The following INPPL1 variants were observed in gnomAD, a reference collection of about 807,000 sequenced individuals.
The protein encoded by INPPL1 is inositol polyphosphate phosphatase like 1.
A neutral mutation model predicts 139.3 loss-of-function variants in INPPL1; 91 were observed. The ratio of observed to expected loss-of-function variants is 0.65; its 90% CI spans 0.55 to 0.78. The LOEUF (loss-of-function observed/expected upper bound fraction) is 0.78, where lower values mean the gene tolerates loss of function less well. INPPL1 is among the 30% of genes least tolerant of loss of function. The pLI is 0.00. For synonymous variants in INPPL1, 719 were observed against 686.6 expected, an observed-to-expected ratio of 1.05 and a Z score of -0.74; for missense variants, 1,411 against 1,665.6, an observed-to-expected ratio of 0.85 and a Z score of 2.66.
chr11:72,237,360 C>A lies in INPPL1; in HGVS notation c.3116C>A (p.Ser1039Tyr). The stretch of plus-strand genomic sequence containing the variant: ...CACCCTCGTGTGGGAGAGGGGAGTT[C>A]TTCAGATGAGGAGTCTGGAGGCACA... ...HRHPRVGEGS[S>Y]SDEESGGTLP... Residue 1039 changes from serine to tyrosine, a missense_variant, in exon 26 of 28, where the codon TCT becomes TAT. This residue lies in a region of INPPL1 where 438 missense variants were observed against 425.7 expected (regional missense o/e 1.03). Transcript: ENST00000298229. 6.2e-7 allele frequency: 1 copy of A among 1,613,952 alleles called. No individual in the cohort carries two copies. The highest frequency in any genetic ancestry group is 1.3e-5 in the African/African-American group (1 of 75,028).
chr11:72,237,555 C>T lies in INPPL1; in HGVS notation c.3311C>T (p.Ser1104Leu). 1 of 1,598,588 alleles carries T rather than the reference C, an allele frequency of 6.3e-7. No individual in the cohort carries two copies. The highest frequency in any genetic ancestry group is 8.5e-7 in the Non-Finnish European group (1 of 1,170,086). ...AGGCCTCCACTGCCCCCAGGCCCCT[C>T]ACCAGCCAGCACTTTCCTGGGGGAA... is the stretch of plus-strand genomic sequence containing the variant. ...HPRPPLPPGP[S>L]PASTFLGEVA... The change falls in exon 26 of 28, where the codon TCA (serine) becomes TTA (leucine). Residue 1104 changes from serine to leucine, a missense_variant. This residue lies in a region of INPPL1 where 438 missense variants were observed against 425.7 expected (regional missense o/e 1.03). Coordinates refer to ENST00000298229, the MANE Select transcript of INPPL1 (RefSeq NM_001567.4).
rs1291321098 is a variant in INPPL1, at chr11:72,235,993, G to A, written c.2879+7G>A. The A allele has an allele frequency of 3.2e-6, 5 of 1,544,868 alleles. No homozygotes were observed. Among genetic ancestry groups the A allele is most frequent in the Non-Finnish European group, 4.4e-6 (5 of 1,137,558 alleles). On this transcript the variant is annotated splice_region_variant and intron_variant, in intron 25 of 27. Coordinates refer to ENST00000298229, the MANE Select transcript of INPPL1 (RefSeq NM_001567.4). The surrounding 1 kb of genome is among the most constrained non-coding windows in gnomAD (Gnocchi z 4.9). ...AGGAGCCCTTGACCCCCAGGTGAGA[G>A]GAGGAACCTGTCACCGCCCCCCCTT...
chr11:72,237,842 C>G (rs370202557), intron 26 of INPPL1, 46 bp downstream of exon 26: 1 of 1,542,254 alleles, frequency 6.5e-7, no homozygotes, highest in African/African-American at 1.4e-5. Flanking sequence ...AGTGTGCTTG[C>G]CCACAGACTG....
At chr11:72,227,923 C>T (rs1948719538) in intron 1 of INPPL1, 2 of 514,218 alleles carry the variant, frequency 3.9e-6, no homozygotes, top group Admixed American at 3.2e-5. Flanking sequence ...CCTGTTGCTT[C>T]TCAGGCCCTG....
At position 72,231,698 on chromosome 11, in the gene INPPL1, C is replaced by T; in HGVS notation, c.1615+83C>T. On this transcript the variant is annotated intron_variant, in intron 13 of 27. Coordinates refer to ENST00000298229, the MANE Select transcript of INPPL1 (RefSeq NM_001567.4). ...CTTCCTCTCAAGCCTAGGATTGCCCCATTTTTGGTGATCTTAGTTTCCCCA... is the reference window on the plus strand; with the variant it reads ...CTTCCTCTCAAGCCTAGGATTGCCCTATTTTTGGTGATCTTAGTTTCCCCA... 12 of 986,412 alleles carry T rather than the reference C, an allele frequency of 1.2e-5. No individual in the cohort carries two copies. The South Asian group carries it at 1.6e-4, about 13-fold the overall frequency. The allele number at this position is 986,412 out of a possible 1,614,324, so 61.1% of individuals were successfully genotyped here. A position where few individuals can be genotyped will look rare whatever the true frequency, so the allele number is the denominator to read the frequency against.
rs368521908 is a variant in INPPL1 at position 72,231,202 on chromosome 11, C to G, written c.1497+13C>G. 13 of 1,603,692 alleles carry G rather than the reference C, an allele frequency of 8.1e-6. No homozygotes were observed. The African/African-American group carries it at 1.2e-4, about 15-fold the overall frequency. Reference sequence around the variant, plus strand: ...GGATTACCGCCCGGTGAGGGGGGGTCATCTTGTCCAGGACCCTGTCCTCAC... The same window carrying G: ...GGATTACCGCCCGGTGAGGGGGGGTGATCTTGTCCAGGACCCTGTCCTCAC... On this transcript the variant is annotated intron_variant, in intron 12 of 27. Transcript: ENST00000298229.
At chr11:72,230,502 T>G in intron 10 of INPPL1, 34 bp downstream of exon 10, 1 of 1,584,434 alleles carries the variant, frequency 6.3e-7, no homozygotes, top group East Asian at 2.2e-5. Flanking sequence ...CACTGGGGAC[T>G]GCGGGGGTCC....
chr11:72,229,283 C>T, intron 5 of INPPL1, 53 bp downstream of exon 5: 1 of 1,544,512 alleles, frequency 6.5e-7, no homozygotes, highest in Non-Finnish European at 8.8e-7. Context: ...GACCTGTCCT[C>T]ACCTGCTTCC....
Position 72,232,610 on chromosome 11 carries a change from G to C in INPPL1, c.1713-16G>C. 1 of 1,611,456 alleles carries C rather than the reference G, an allele frequency of 6.2e-7. No homozygotes were observed. The highest frequency in any genetic ancestry group is 1.1e-5 in the South Asian group (1 of 91,014). On this transcript the variant is annotated splice_polypyrimidine_tract_variant and intron_variant, in intron 14 of 27. Coordinates refer to ENST00000298229, the MANE Select transcript of INPPL1 (RefSeq NM_001567.4). ...CTGGGGATCTACCCCTCCCCACCAC[G>C]CACCCCTCACCCTAGGAGGAACCAA... is the stretch of plus-strand genomic sequence containing the variant.
rs45506896 is a variant in INPPL1 at position 72,229,589 on chromosome 11, G to A, written c.753+31G>A. The A allele has an allele frequency of 0.026, 41,861 of 1,612,526 alleles. 720 individuals are homozygous for A. Among genetic ancestry groups the A allele is most frequent in the Non-Finnish European group, 0.026 (31,133 of 1,178,596 alleles). Reference sequence around the variant, plus strand: ...TTGTAGGGAGACCTCTGGGAGGTGCGTTCGTGTTCTGGAGCTGGGTGGGAG... The same window carrying A: ...TTGTAGGGAGACCTCTGGGAGGTGCATTCGTGTTCTGGAGCTGGGTGGGAG... On this transcript the variant is annotated intron_variant, in intron 6 of 27. Coordinates refer to ENST00000298229, the MANE Select transcript of INPPL1 (RefSeq NM_001567.4).
intron 5 of INPPL1, 41 bp downstream of exon 5, chr11:72,229,271 C>A: frequency 6.4e-7 from 1 of 1,566,098 alleles, no homozygotes; most frequent in South Asian, 1.2e-5. Flanking sequence ...ACCCTTACCT[C>A]TGACCTGTCC....
chr11:72,235,922 C>T lies in INPPL1; in HGVS notation c.2815C>T (p.Pro939Ser), dbSNP rs1279287200. 1.9e-6 allele frequency: 3 copies of T among 1,612,994 alleles called. No homozygotes were observed. The highest frequency in any genetic ancestry group is 1.7e-5 in the Admixed American group (1 of 60,006). ...GTTATTTGAAGAACCAGAGAAACCG[C>T]CACCAACGGGGAGGCCCCCAGCCCC... ...SRLFEEPEKP[P>S]PTGRPPAPPR... The change falls in exon 25 of 28, where the codon CCA (proline) becomes TCA (serine). Residue 939 changes from proline to serine, a missense_variant. Transcript: ENST00000298229. This position sits in a 1 kb window ranked among gnomAD's most constrained non-coding sequence, Gnocchi z 4.9.
rs1948836955 is a variant in INPPL1 at position 72,231,613 on chromosome 11, TG to T, written c.1615+1del. ...GTGAAGACTGGCATCGCCAACACCC[TG>T]GGTAAGTGGGGCTGGCAGGTGCCCA... ...SSVKTGIANT[L>X]GNKGAVGVSF... On this transcript the variant is annotated frameshift_variant and splice_region_variant, in exon 13 of 28. Transcript: ENST00000298229. LOFTEE classifies it high-confidence loss of function. 1.9e-6 allele frequency: 3 copies of T among 1,606,998 alleles called. No homozygotes were observed. Among genetic ancestry groups the T allele is most frequent in the Non-Finnish European group, 2.6e-6 (3 of 1,174,464 alleles).
rs1387900920 is a variant in INPPL1, at chr11:72,230,129, A to G, written c.948A>G (p.Leu316=). 6.2e-7 allele frequency: 1 copy of G among 1,610,430 alleles called. No homozygotes were observed. Among genetic ancestry groups the G allele is most frequent in the Middle Eastern group, 1.7e-4 (1 of 6,052 alleles). Reference sequence around the variant, plus strand: ...CCCCACCTGGCCTACAGGTGAAGCTAGATGTGACCCTGGGTGACCTGACCA... The same window carrying G: ...CCCCACCTGGCCTACAGGTGAAGCTGGATGTGACCCTGGGTGACCTGACCA... ...TIPVQAFEVK[L]DVTLGDLTKI... Residue 316 remains leucine, a synonymous_variant, in exon 9 of 28, where the codon CTA becomes CTG. Transcript: ENST00000298229.
Position 72,224,961 on chromosome 11 carries a change from G to T in INPPL1, c.-24G>T, listed in dbSNP as rs1948625767. Reference sequence around the variant, plus strand: ...GGATGGCGCGGGGCGGCGGGGGCGGGCGGTGCTGAGCCCTGCGCGGGCCAT... The same window carrying T: ...GGATGGCGCGGGGCGGCGGGGGCGGTCGGTGCTGAGCCCTGCGCGGGCCAT... On this transcript the variant is annotated 5_prime_UTR_variant, in exon 1 of 28. Coordinates refer to ENST00000298229, the MANE Select transcript of INPPL1 (RefSeq NM_001567.4). 1 of 1,100,996 alleles carries T rather than the reference G, an allele frequency of 9.1e-7. No individual in the cohort carries two copies. The highest frequency in any genetic ancestry group is 1.1e-6 in the Non-Finnish European group (1 of 905,314). The allele number at this position is 1,100,996 out of a possible 1,614,324, so 68.2% of individuals were successfully genotyped here.
Position 72,238,449 on chromosome 11 carries a change from A to G in INPPL1, c.*96A>G. On this transcript the variant is annotated 3_prime_UTR_variant, in exon 28 of 28. Transcript: ENST00000298229. Reference sequence around the variant, plus strand: ...GTTGAAAAGTTATGAGGGTCAGGGCAGTATCTCTCTGCCTATTTATTGGGG... The same window carrying G: ...GTTGAAAAGTTATGAGGGTCAGGGCGGTATCTCTCTGCCTATTTATTGGGG... 1.0e-6 allele frequency: 1 copy of G among 999,016 alleles called. No homozygotes were observed. Among genetic ancestry groups the G allele is most frequent in the South Asian group, 1.9e-5 (1 of 52,390 alleles). 61.9% of individuals were successfully genotyped at this position (999,016 alleles called of 1,614,324 possible).
chr11:72,232,420 ACCCTCCCGCAGGCCTGTCTC>A, intron 14 of INPPL1, 84 bp downstream of exon 14: 1 of 1,320,748 alleles, frequency 7.6e-7, no homozygotes, highest in South Asian at 1.3e-5. Context: ...CTAGCCCATG[ACCCTCCCGCAGGCCTGTCTC>A]CAGAGACCCC....
intron 25 of INPPL1, among the ~76,000 whole-genome samples, chr11:72,236,789 C>T (rs1565396961): frequency 6.6e-6 from 1 of 152,182 alleles, no homozygotes; most frequent in Non-Finnish European, 1.5e-5. Context: ...AGAGGCTTTC[C>T]AAACCTGGCC....
At position 72,228,288 on chromosome 11, in the gene INPPL1, C is replaced by A. The variant is rs1200055838; in HGVS notation, c.246+35C>A. 1.2e-6 allele frequency: 2 copies of A among 1,614,076 alleles called. No homozygotes were observed. Among genetic ancestry groups the A allele is most frequent in the East Asian group, 4.5e-5 (2 of 44,866 alleles). ...TGGGCCCCTGACCCCTGACCTTGAT[C>A]CAGCCTAGGGCTTGGGGACCTGCTG... On this transcript the variant is annotated intron_variant, in intron 2 of 27. Transcript: ENST00000298229. This position sits in a 1 kb window ranked among gnomAD's most constrained non-coding sequence, Gnocchi z 5.0.
Sources: gnomAD v4.1 joint callset for allele counts (sites outside exome capture counted in the v4.1 genomes callset) on GRCh38, gnomAD v4.1.1 for gene constraint, gnomAD v4.1.1 regional missense constraint, Gnocchi (gnomAD v3.1) non-coding constraint, MANE v1.5 for transcripts, NCBI Gene and HGNC (gene_info 2026-07-23, HGNC 2026-07-21) for gene names.